Variants in SAG observed in about 807,000 individuals in gnomAD.
SAG encodes the protein S-arrestin.
In SAG, 45 loss-of-function variants were observed where a neutral mutation model predicts 55.0. The ratio of observed to expected loss-of-function variants is 0.82; its 90% CI spans 0.64 to 1.05. SAG has a LOEUF of 1.05. Ranked by LOEUF, SAG falls within the 50% of genes least tolerant of loss-of-function variation. The pLI is 0.00. For synonymous variants in SAG, 189 were observed against 197.4 expected (o/e 0.96, Z 0.36); for missense variants, 455 against 512.1 (o/e 0.89, Z 1.08).
intron 2 of SAG, among the ~76,000 whole-genome samples, chr2:233,309,511 G>A (rs1700020725): frequency 6.6e-6 from 1 of 152,166 alleles, no homozygotes; most frequent in Non-Finnish European, 1.5e-5. Flanking sequence ...GCTGGGTATG[G>A]TGGCAGGCAC....
At chr2:233,317,248 T>C (rs955391646) in intron 3 of SAG, among the ~76,000 whole-genome samples, 9 of 152,246 alleles carry the variant, frequency 5.9e-5, no homozygotes, top group African/African-American at 2.2e-4. Flanking sequence ...TGAAAACTTG[T>C]GTCCTCACAA....
At position 233,340,778 on chromosome 2, in the gene SAG, C is replaced by A. The variant is rs781720582; in HGVS notation, c.1046+300C>A. ...GTGTGTGTGTGTGTGTGTTTGTGTG[C>A]GGTAAAATACACATAACATAAATTT... is the stretch of plus-strand genomic sequence containing the variant. On this transcript the variant is annotated intron_variant, in intron 13 of 15. Transcript: ENST00000409110. This position sits in a 1 kb window ranked among gnomAD's most constrained non-coding sequence, Gnocchi z 4.2. Among the ~76,000 whole-genome samples the A allele has an allele frequency of 1.3e-5, 2 of 151,828 alleles. No individual in the cohort carries two copies. Among genetic ancestry groups the A allele is most frequent in the Admixed American group, 6.6e-5 (1 of 15,244 alleles).
rs78936963 is a variant in SAG, at chr2:233,322,755, A to G, written c.376-191A>G. Reference sequence around the variant, plus strand: ...ATCTCAAAACAAAACATACATATTTATGTGTACAGGCAGGAAATTTTGGGA... The same window carrying G: ...ATCTCAAAACAAAACATACATATTTGTGTGTACAGGCAGGAAATTTTGGGA... On this transcript the variant is annotated intron_variant, in intron 5 of 15. Coordinates refer to ENST00000409110, the MANE Select transcript of SAG (RefSeq NM_000541.5). Among the ~76,000 whole-genome samples the G allele has an allele frequency of 0.021, 3,170 of 152,308 alleles. 68 individuals carry two copies. Among genetic ancestry groups the G allele is most frequent in the Non-Finnish European group, 0.027 (1,804 of 68,018 alleles).
At chr2:233,318,164 T>A (rs933323530) in intron 3 of SAG, among the ~76,000 whole-genome samples, 1 of 151,640 alleles carries the variant, frequency 6.6e-6, no homozygotes, top group African/African-American at 2.4e-5. Flanking sequence ...TTTTTTCTTT[T>A]TTCTTTTTTG....
At chr2:233,324,498 G>A (rs1249895662) in intron 6 of SAG, among the ~76,000 whole-genome samples, 1 of 152,214 alleles carries the variant, frequency 6.6e-6, no homozygotes, top group Non-Finnish European at 1.5e-5. Context: ...AGAGACTTGA[G>A]TTTTTGCCTG....
intron 6 of SAG, among the ~76,000 whole-genome samples, chr2:233,325,714 G>A (rs2125333428): frequency 6.6e-6 from 1 of 152,290 alleles, no homozygotes; most frequent in Non-Finnish European, 1.5e-5. Flanking sequence ...GCCCAACAAA[G>A]CACCACCTAT....
At chr2:233,324,083 C>A (rs1007020975) in intron 6 of SAG, among the ~76,000 whole-genome samples, 1 of 152,078 alleles carries the variant, frequency 6.6e-6, no homozygotes, top group Admixed American at 6.6e-5. Context: ...AGGTTGCCTG[C>A]TGAGTGAGAG....
intron 10 of SAG, 193 bp from the exon 11 acceptor site, chr2:233,334,769 T>C: frequency 1.7e-6 from 1 of 596,912 alleles, no homozygotes; most frequent in Non-Finnish European, 3.0e-6. Context: ...CTCCTGTTGC[T>C]GCCAGCCCAC....
At chr2:233,328,370 T>C in intron 7 of SAG, 108 bp from the exon 8 acceptor site, 1 of 1,354,890 alleles carries the variant, frequency 7.4e-7, no homozygotes, top group Non-Finnish European at 1.0e-6. Flanking sequence ...CCTGTCTCCA[T>C]GGGGAGCATT....
At chr2:233,329,915 T>C (rs1039379765) in intron 9 of SAG, among the ~76,000 whole-genome samples, 4 of 152,252 alleles carry the variant, frequency 2.6e-5, no homozygotes, top group African/African-American at 9.6e-5. Context: ...TGTGGACTCA[T>C]GCTGTGGGCT....
intron 1 of SAG, among the ~76,000 whole-genome samples, chr2:233,308,560 T>C (rs1186137679): frequency 1.3e-5 from 2 of 152,274 alleles, no homozygotes; most frequent in East Asian, 1.9e-4. Context: ...TTAGTAGGAA[T>C]TGCCAAATAG....
chr2:233,308,943 A>G (rs1178840406), intron 1 of SAG, among the ~76,000 whole-genome samples: 1 of 152,250 alleles, frequency 6.6e-6, no homozygotes, highest in Non-Finnish European at 1.5e-5. Flanking sequence ...AAGCTTACCA[A>G]GAAAAATAAA....
Position 233,340,592 on chromosome 2 carries a change from G to C in SAG, c.1046+114G>C. On this transcript the variant is annotated intron_variant, in intron 13 of 15. Transcript: ENST00000409110. The surrounding 1 kb of genome is among the most constrained non-coding windows in gnomAD (Gnocchi z 4.2). Reference sequence around the variant, plus strand: ...TGCTTTCTGGACAGTTGTGCTCAGAGGTGTTAGGAATGATGCTTTGCCTTC... The same window carrying C: ...TGCTTTCTGGACAGTTGTGCTCAGACGTGTTAGGAATGATGCTTTGCCTTC... 1 of 819,372 alleles carries C rather than the reference G, an allele frequency of 1.2e-6. No homozygotes were observed. Among genetic ancestry groups the C allele is most frequent in the South Asian group, 1.5e-5 (1 of 68,804 alleles). 50.8% of individuals were successfully genotyped at this position (819,372 alleles called of 1,614,324 possible).
intron 11 of SAG, among the ~76,000 whole-genome samples, chr2:233,337,020 C>T (rs1207712703): frequency 6.6e-6 from 1 of 151,798 alleles, no homozygotes; most frequent in Non-Finnish European, 1.5e-5. Flanking sequence ...AGCTTGAGCC[C>T]AGGAGGTCGA....
chr2:233,328,616 A>G lies in SAG; in HGVS notation c.648+3A>G. On this transcript the variant is annotated splice_donor_region_variant and intron_variant, in intron 8 of 15. Coordinates refer to ENST00000409110, the MANE Select transcript of SAG (RefSeq NM_000541.5). ...TTGCGGTCTCTCTCAACAAAGAGGT[A>G]ACCACCTACCATCGCTACTACCCGC... 1 of 1,607,674 alleles carries G rather than the reference A, an allele frequency of 6.2e-7. No homozygotes were observed. Among genetic ancestry groups the G allele is most frequent in the South Asian group, 1.1e-5 (1 of 90,572 alleles).
intron 8 of SAG, chr2:233,329,287 T>C: frequency 1.9e-6 from 1 of 533,854 alleles, no homozygotes; most frequent in Non-Finnish European, 3.4e-6. Context: ...TGATCGGAAC[T>C]CTGTTCCCCT....
intron 6 of SAG, among the ~76,000 whole-genome samples, chr2:233,325,231 C>T (rs1296813829): frequency 6.7e-6 from 1 of 149,156 alleles, no homozygotes; most frequent in Non-Finnish European, 1.5e-5. Flanking sequence ...ATTAGCTGGG[C>T]ATGGTAGTGT....
chr2:233,342,582 G>T, intron 14 of SAG: 1 of 502,114 alleles, frequency 2.0e-6, no homozygotes, highest in Non-Finnish European at 3.6e-6. Flanking sequence ...GGACAATCTC[G>T]TGAGGTTTTA....
intron 1 of SAG, among the ~76,000 whole-genome samples, chr2:233,308,548 T>C (rs115713613): frequency 0.016 from 2,489 of 152,120 alleles, 76 homozygotes; most frequent in African/African-American, 0.055. Flanking sequence ...AGTGGCTATC[T>C]CTTAGTAGGA....
Sources: allele counts gnomAD v4.1 joint callset (sites outside exome capture counted in the v4.1 genomes callset), GRCh38; gene constraint gnomAD v4.1.1; non-coding constraint Gnocchi (gnomAD v3.1); transcripts MANE v1.5; gene names NCBI Gene and HGNC (gene_info 2026-07-23, HGNC 2026-07-21).